Variants in TBC1D32 observed in about 807,000 individuals in gnomAD.
TBC1D32 encodes protein broad-minded.
A neutral mutation model predicts 170.3 loss-of-function variants in TBC1D32; 151 were observed. The ratio of observed to expected loss-of-function variants is 0.89; its 90% CI spans 0.78 to 1.01. TBC1D32 has a LOEUF of 1.01. Among genes scored for constraint, TBC1D32 ranks in the 50% least tolerant of loss-of-function variants. The pLI is 0.00. For synonymous variants in TBC1D32, 498 were observed against 488.0 expected, an observed-to-expected ratio of 1.02 and a Z score of -0.27; for missense variants, 1,464 against 1,457.1, an observed-to-expected ratio of 1.00 and a Z score of -0.08.
chr6:121,124,787 T>C (rs1254768796), intron 26 of TBC1D32, among the ~76,000 whole-genome samples: 1 of 152,034 alleles, frequency 6.6e-6, no homozygotes, highest in Non-Finnish European at 1.5e-5. Flanking sequence ...TTTTCTTCTG[T>C]GTGATCAATT....
chr6:121,221,169 T>A (rs1304224574), intron 21 of TBC1D32, among the ~76,000 whole-genome samples: 1 of 152,158 alleles, frequency 6.6e-6, no homozygotes. Context: ...ACTCTGCCTA[T>A]GCTATATAAA....
At chr6:121,169,160 T>G (rs1324515337) in intron 22 of TBC1D32, among the ~76,000 whole-genome samples, 3 of 152,278 alleles carry the variant, frequency 2.0e-5, no homozygotes, top group East Asian at 3.9e-4. Flanking sequence ...ACTACCTGAC[T>G]TCAAACTATA....
At chr6:121,113,820 A>AT (rs1483387191) in intron 27 of TBC1D32, among the ~76,000 whole-genome samples, 1 of 152,136 alleles carries the variant, frequency 6.6e-6, no homozygotes, top group Non-Finnish European at 1.5e-5. Flanking sequence ...TGCTTTTGTA[A>AT]TTTTTCTTTT....
chr6:121,141,281 T>C (rs1414150215), intron 24 of TBC1D32, among the ~76,000 whole-genome samples: 1 of 151,978 alleles, frequency 6.6e-6, no homozygotes, highest in African/African-American at 2.4e-5. Flanking sequence ...GCTCAAAAGG[T>C]TTAAACAGGA....
intron 15 of TBC1D32, among the ~76,000 whole-genome samples, chr6:121,259,488 T>A (rs1418572742): frequency 6.6e-6 from 1 of 152,154 alleles, no homozygotes; most frequent in Non-Finnish European, 1.5e-5. Flanking sequence ...ACAGTTGTTA[T>A]TGATAAAGAC....
Position 121,080,215 on chromosome 6 carries a change from CTTTTT to C in TBC1D32, c.*551_*555del. ...TGAATAAAGGAGATGTAAGTTGGGA[CTTTTT>C]TTTTTTTTTTTTTTTTGAGACAGAG... On this transcript the variant is annotated 3_prime_UTR_variant, in exon 32 of 32. Coordinates refer to ENST00000398212, the MANE Select transcript of TBC1D32 (RefSeq NM_152730.6). 3.5e-5 allele frequency: 4 copies of C among 115,674 alleles called. No homozygotes were observed. Among genetic ancestry groups the C allele is most frequent in the South Asian group, 5.4e-4 (2 of 3,684 alleles). 7.2% of individuals were successfully genotyped at this position (115,674 alleles called of 1,614,324 possible). A position where few individuals can be genotyped will look rare whatever the true frequency, so the allele number is the denominator to read the frequency against.
At chr6:121,293,006 T>C (rs1805094476) in intron 11 of TBC1D32, among the ~76,000 whole-genome samples, 1 of 152,140 alleles carries the variant, frequency 6.6e-6, no homozygotes, top group African/African-American at 2.4e-5. Context: ...TCTCAAGCCA[T>C]GTCATATACT....
In TBC1D32 at chr6:121,294,557, A is replaced by ACT. The variant is rs765253377; in HGVS notation, c.1231+12_1231+13insAG. ...CATTTTTAAAAGTATGTAATAGAGG[A>ACT]AATAATACTTACTGCAATGCTTTGA... On this transcript the variant is annotated intron_variant, in intron 11 of 31. Transcript: ENST00000398212. 485 of 1,581,716 alleles carry ACT rather than the reference A, an allele frequency of 3.1e-4. 1 individual carries two copies. Among genetic ancestry groups the ACT allele is most frequent in the Middle Eastern group, 1.6e-3 (9 of 5,588 alleles).
At chr6:121,143,932 C>T (rs964814874) in intron 24 of TBC1D32, among the ~76,000 whole-genome samples, 7 of 151,908 alleles carry the variant, frequency 4.6e-5, no homozygotes, top group African/African-American at 1.7e-4. Context: ...GTCAGTGACA[C>T]AGATATCAGC....
intron 22 of TBC1D32, among the ~76,000 whole-genome samples, chr6:121,203,888 A>G (rs1371878841): frequency 6.6e-6 from 1 of 151,270 alleles, no homozygotes; most frequent in Non-Finnish European, 1.5e-5. Context: ...GGAGCATTTC[A>G]CTTCTTGGAT....
At chr6:121,260,292 A>G (rs1799588892) in intron 15 of TBC1D32, among the ~76,000 whole-genome samples, 1 of 152,202 alleles carries the variant, frequency 6.6e-6, no homozygotes. Flanking sequence ...AAAAGAAAAT[A>G]TGACAGATTA....
intron 31 of TBC1D32, among the ~76,000 whole-genome samples, chr6:121,089,570 C>T (rs902579871): frequency 6.6e-6 from 1 of 152,094 alleles, no homozygotes; most frequent in Non-Finnish European, 1.5e-5. Context: ...ATTTTTCTAT[C>T]TTAGTTTTTC....
intron 26 of TBC1D32, among the ~76,000 whole-genome samples, chr6:121,125,978 G>A (rs1472704556): frequency 6.6e-6 from 1 of 152,126 alleles, no homozygotes; most frequent in Non-Finnish European, 1.5e-5. Flanking sequence ...TACTTACTAG[G>A]CCACTGGAAA....
At chr6:121,267,999 T>C (rs1367256186) in intron 15 of TBC1D32, among the ~76,000 whole-genome samples, 1 of 152,178 alleles carries the variant, frequency 6.6e-6, no homozygotes, top group Non-Finnish European at 1.5e-5. Flanking sequence ...AAACAGCGTC[T>C]GGAGTGGACC....
chr6:121,320,114 T>C (rs1809496169), intron 2 of TBC1D32, among the ~76,000 whole-genome samples: 2 of 151,878 alleles, frequency 1.3e-5, no homozygotes, highest in Non-Finnish European at 1.5e-5. Context: ...TATAAAAATG[T>C]TTAATTACAA....
chr6:121,257,733 T>A (rs571891234), intron 15 of TBC1D32, among the ~76,000 whole-genome samples: 3 of 152,200 alleles, frequency 2.0e-5, no homozygotes, highest in Admixed American at 1.3e-4. Context: ...TTTTTTTTTA[T>A]ATACTTTATG....
chr6:121,332,691 A>C (rs1811367239), intron 1 of TBC1D32, among the ~76,000 whole-genome samples: 1 of 152,170 alleles, frequency 6.6e-6, no homozygotes. Flanking sequence ...AAATTATTAC[A>C]TGAGTTTACA....
chr6:121,238,659 C>T (rs751521839), intron 20 of TBC1D32, among the ~76,000 whole-genome samples: 3 of 152,052 alleles, frequency 2.0e-5, no homozygotes, highest in Admixed American at 6.5e-5. Flanking sequence ...TCTGTCTGTA[C>T]TTCCTTCAAA....
chr6:121,124,640 C>T lies in TBC1D32; in HGVS notation c.2983+1738G>A, dbSNP rs977937441. ...TTTCTAGCCCTTGTCTTTCTCAGTTCTCTCTTTAATTACAATAACTCAAAT... is the reference window on the plus strand; with the variant it reads ...TTTCTAGCCCTTGTCTTTCTCAGTTTTCTCTTTAATTACAATAACTCAAAT... On this transcript the variant is annotated intron_variant, in intron 26 of 31. Coordinates refer to ENST00000398212, the MANE Select transcript of TBC1D32 (RefSeq NM_152730.6). Among the ~76,000 whole-genome samples the T allele has an allele frequency of 9.2e-5, 14 of 152,092 alleles. No homozygotes were observed. The East Asian group carries it at 2.7e-3, about 29-fold the overall frequency.
Sources: allele counts gnomAD v4.1 joint callset (sites outside exome capture counted in the v4.1 genomes callset), GRCh38; gene constraint gnomAD v4.1.1; transcripts MANE v1.5; gene names NCBI Gene and HGNC (gene_info 2026-07-23, HGNC 2026-07-21).